The following CLDN14 variants were observed in gnomAD, a reference collection of about 807,000 sequenced individuals.
CLDN14 encodes claudin 14.
CLDN14 carries 2 observed loss-of-function variants against 2.1 expected under a neutral mutation model. The ratio of observed to expected loss-of-function variants is 0.96; its 90% CI spans 0.39 to 3.01. The LOEUF is 3.01. CLDN14 is among the 30% of genes most tolerant of loss of function. The pLI is 0.09. For missense variants in CLDN14, 298 were observed against 328.0 expected (o/e 0.91, Z 0.71); for synonymous variants, 136 against 154.4 (o/e 0.88, Z 0.88).
rs1377752174 is a variant in CLDN14 at position 36,539,368 on chromosome 21, CGGAGTGAGTGTGTGT to C, written c.-219-28883_-219-28869del. 4.2e-3 allele frequency among the ~76,000 whole-genome samples: 423 copies of C among 100,858 alleles called. 2 individuals are homozygous for C. Among genetic ancestry groups the C allele is most frequent in the African/African-American group, 0.016 (411 of 25,944 alleles). 66.2% of individuals were successfully genotyped at this position (100,858 alleles called of 152,430 possible). ...AGTGTGTGTGGAGTGAGTGTATGTG[CGGAGTGAGTGTGTGT>C]GGAGTGAGTGTGTGTGGAGTGTGTG... is the stretch of plus-strand genomic sequence containing the variant. On this transcript the variant is annotated intron_variant, in intron 1 of 2. Transcript: ENST00000342108.
intron 1 of CLDN14, among the ~76,000 whole-genome samples, chr21:36,523,781 G>GAGAGAGAGAGAGAGAGAGAGAA (rs1568868851): frequency 2.1e-4 from 8 of 38,338 alleles, no homozygotes; most frequent in African/African-American, 5.1e-4. Context: ...GAGAGAAAGA[G>GAGAGAGAGAGAGAGAGAGAGAA]AGAAAGAAAG....
chr21:36,478,520 T>A (rs1195146017), intron 1 of CLDN14, among the ~76,000 whole-genome samples: 1 of 152,252 alleles, frequency 6.6e-6, no homozygotes, highest in Non-Finnish European at 1.5e-5. Flanking sequence ...GGAAGTTTTA[T>A]CATCCTAACA....
intron 1 of CLDN14, among the ~76,000 whole-genome samples, chr21:36,462,749 G>A (rs561795274): frequency 6.6e-6 from 1 of 151,868 alleles, no homozygotes; most frequent in South Asian, 2.1e-4. Context: ...GGCCAACATG[G>A]TGAAACCCCG....
chr21:36,535,505 T>G (rs1362898851), intron 1 of CLDN14, among the ~76,000 whole-genome samples: 2 of 152,182 alleles, frequency 1.3e-5, no homozygotes, highest in Non-Finnish European at 2.9e-5. Flanking sequence ...GAAAAAGTAC[T>G]GTACAAAATG....
intron 1 of CLDN14, among the ~76,000 whole-genome samples, chr21:36,521,368 A>T (rs2087268899): frequency 6.6e-6 from 1 of 152,146 alleles, no homozygotes; most frequent in South Asian, 2.1e-4. Flanking sequence ...GACATTTTAT[A>T]AAGGCAGCTT....
chr21:36,486,151 C>T (rs2146456046), intron 2 of CLDN14: 26 of 1,271,582 alleles, frequency 2.0e-5, no homozygotes, highest in Non-Finnish European at 2.6e-5. Context: ...AATCATCCTC[C>T]TCCTTGGCTG....
chr21:36,528,865 C>T (rs1158973872), intron 1 of CLDN14, among the ~76,000 whole-genome samples: 1 of 152,224 alleles, frequency 6.6e-6, no homozygotes, highest in Non-Finnish European at 1.5e-5. Context: ...CAGGCAGCAT[C>T]TGCTGTAGTG....
chr21:36,516,840 T>C (rs1044895912), intron 1 of CLDN14, among the ~76,000 whole-genome samples: 2 of 152,216 alleles, frequency 1.3e-5, no homozygotes, highest in African/African-American at 4.8e-5. Context: ...TATTTTACTT[T>C]ATTTTATTTT....
chr21:36,572,008 G>A (rs2087713384), intron 1 of CLDN14, among the ~76,000 whole-genome samples: 1 of 152,134 alleles, frequency 6.6e-6, no homozygotes, highest in Admixed American at 6.6e-5. Context: ...TCCCCACTCC[G>A]TGAAATAAGA....
intron 1 of CLDN14, among the ~76,000 whole-genome samples, chr21:36,516,993 C>T (rs1226139562): frequency 6.6e-6 from 1 of 152,130 alleles, no homozygotes; most frequent in East Asian, 1.9e-4. Flanking sequence ...GCGTGCCCCA[C>T]CACGCCTGGC....
upstream of CLDN14, chr21:36,480,830 G>A (rs1050182780): frequency 5.9e-5 from 9 of 152,040 alleles, no homozygotes; most frequent in Non-Finnish European, 8.8e-5. Flanking sequence ...TCAATCCGCC[G>A]GGCTCTGGTT....
chr21:36,560,225 T>G (rs901009494), intron 1 of CLDN14, among the ~76,000 whole-genome samples: 1 of 16,120 alleles, frequency 6.2e-5, no homozygotes, highest in East Asian at 1.8e-3. Flanking sequence ...GTTGAGAGGT[T>G]TTTTTTTTTT....
intron 1 of CLDN14, among the ~76,000 whole-genome samples, chr21:36,560,571 G>A (rs1327674544): frequency 1.3e-5 from 2 of 152,136 alleles, no homozygotes; most frequent in Non-Finnish European, 2.9e-5. Context: ...ATGTTGAACC[G>A]TCCTGGATTT....
rs183835612 is a variant in CLDN14, at chr21:36,465,306, G to T, written c.-81-3530C>A. ...GTGGCATAAAAGCCAAGCCCATTAG[G>T]CTAGGCAAGTGGACCAGAGGTTTAT... On this transcript the variant is annotated intron_variant, in intron 1 of 1. Coordinates refer to ENST00000399135, the MANE Select transcript of CLDN14 (RefSeq NM_001146079.2). Among the ~76,000 whole-genome samples the T allele has an allele frequency of 3.0e-3, 464 of 152,350 alleles. 2 individuals are homozygous for T. Among genetic ancestry groups the T allele is most frequent in the Non-Finnish European group, 4.4e-3 (300 of 68,030 alleles).
intron 1 of CLDN14, among the ~76,000 whole-genome samples, chr21:36,561,112 G>A (rs1485943425): frequency 3.3e-5 from 5 of 152,172 alleles, no homozygotes; most frequent in African/African-American, 1.2e-4. Context: ...ATCCCATGCC[G>A]GCAACAGTTT....
chr21:36,555,850 TGA>T (rs373539349), intron 1 of CLDN14, among the ~76,000 whole-genome samples: 5,865 of 140,548 alleles, frequency 0.042, 242 homozygotes, highest in African/African-American at 0.11. Context: ...TGTGTGTGTG[TGA>T]GAGAGAGAGA....
intron 1 of CLDN14, among the ~76,000 whole-genome samples, chr21:36,463,689 G>A (rs1020699486): frequency 6.6e-6 from 1 of 152,142 alleles, no homozygotes; most frequent in African/African-American, 2.4e-5. Flanking sequence ...TCCAGCCTGG[G>A]CAACAGAGCA....
At chr21:36,486,339 C>T in intron 2 of CLDN14, 1 of 839,148 alleles carries the variant, frequency 1.2e-6, no homozygotes, top group Non-Finnish European at 2.1e-6. Flanking sequence ...CTCGTCTGAG[C>T]CTTCAGTCCC....
At chr21:36,518,162 A>G (rs2087242886) in intron 1 of CLDN14, among the ~76,000 whole-genome samples, 1 of 152,110 alleles carries the variant, frequency 6.6e-6, no homozygotes. Context: ...ATTATCCCAA[A>G]GTTTCAGTTT....
Sources: gnomAD v4.1 joint callset for allele counts (sites outside exome capture counted in the v4.1 genomes callset) on GRCh38, gnomAD v4.1.1 for gene constraint, MANE v1.5 for transcripts, NCBI Gene and HGNC (gene_info 2026-07-23, HGNC 2026-07-21) for gene names.